TET3: variants seen among roughly 807,000 people sequenced by gnomAD.
TET3 encodes tet methylcytosine dioxygenase 3, also known as methylcytosine dioxygenase TET3.
TET3 carries 19 observed loss-of-function variants against 141.4 expected under a neutral mutation model. The observed-to-expected ratio is 0.13, with a 90% CI of 0.09 to 0.20. The LOEUF is 0.20. Among genes scored for constraint, TET3 ranks in the 10% least tolerant of loss-of-function variants. The probability of loss-of-function intolerance (pLI) is 1.00; values close to 1 mark genes in which losing one functional copy is unlikely to be tolerated. For missense variants in TET3, 1,874 were observed against 2,356.9 expected (o/e 0.80, Z 4.24); for synonymous variants, 1,043 against 980.9 (o/e 1.06, Z -1.18).
At chr2:74,116,199 A>G in the TET3 span, among the ~76,000 whole-genome samples, 4 of 152,202 alleles carry the variant, frequency 2.6e-5, no homozygotes, top group East Asian at 7.7e-4. Context: ...TAACAAAAAG[A>G]CAAAAAATAA....
At chr2:74,075,078 G>C (rs971165158) in intron 5 of TET3, among the ~76,000 whole-genome samples, 9 of 152,064 alleles carry the variant, frequency 5.9e-5, no homozygotes, top group Non-Finnish European at 1.2e-4. Flanking sequence ...CACCGTGTTA[G>C]CCAGGATGGT....
the TET3 span, among the ~76,000 whole-genome samples, chr2:74,114,853 C>CAAAAAAAAAAAAAAAAAAAA: frequency 2.6e-3 from 116 of 43,862 alleles, 10 homozygotes; most frequent in African/African-American, 8.0e-3. Context: ...GACTCTGTCT[C>CAAAAAAAAAAAAAAAAAAAA]AAAAAAAAAA....
At chr2:74,099,754 A>T in intron 11 of TET3, 142 bp downstream of exon 11, 8 of 890,038 alleles carry the variant, frequency 9.0e-6, no homozygotes, top group Non-Finnish European at 1.4e-5. Flanking sequence ...TGCAGCAGCC[A>T]CAGCCAGCCT....
chr2:74,085,959 T>C (rs1386688607), intron 6 of TET3, among the ~76,000 whole-genome samples: 1 of 152,244 alleles, frequency 6.6e-6, no homozygotes, highest in African/African-American at 2.4e-5. Flanking sequence ...CCCCTTGCCA[T>C]AGTTAGGACT....
At chr2:74,083,420 G>A (rs953680063) in intron 6 of TET3, among the ~76,000 whole-genome samples, 2 of 152,204 alleles carry the variant, frequency 1.3e-5, no homozygotes, top group Non-Finnish European at 2.9e-5. Context: ...AGCCGCAGGT[G>A]TTAGAACCAA....
chr2:74,079,153 C>T (rs1395878298), intron 5 of TET3, among the ~76,000 whole-genome samples: 1 of 152,158 alleles, frequency 6.6e-6, no homozygotes, highest in East Asian at 1.9e-4. Context: ...TCAAGACGAG[C>T]CTGGCCAACA....
rs886108361 is a variant in TET3 at position 74,103,793 on chromosome 2, G to A, written c.*1617G>A. ...TCATGCTAGCCATGTGGATGTGTGTGTGGTGAATGGGGGGCTTCATCAGGA... is the reference window on the plus strand; with the variant it reads ...TCATGCTAGCCATGTGGATGTGTGTATGGTGAATGGGGGGCTTCATCAGGA... On this transcript the variant is annotated 3_prime_UTR_variant, in exon 12 of 12. Transcript: ENST00000409262. 1 of 153,910 alleles carries A rather than the reference G, an allele frequency of 6.5e-6. No individual in the cohort carries two copies. The highest frequency in any genetic ancestry group is 1.9e-4 in the East Asian group (1 of 5,186). The allele number at this position is 153,910 out of a possible 1,614,324, so 9.5% of individuals were successfully genotyped here.
chr2:73,990,476 G>C (rs888812692), intron 2 of TET3, among the ~76,000 whole-genome samples: 2 of 152,202 alleles, frequency 1.3e-5, no homozygotes, highest in African/African-American at 2.4e-5. Flanking sequence ...TGTGCTGGGG[G>C]AGGAGGCTAG....
intron 2 of TET3, among the ~76,000 whole-genome samples, chr2:73,995,301 C>G (rs1684538106): frequency 6.6e-6 from 1 of 152,218 alleles, no homozygotes; most frequent in South Asian, 2.1e-4. Flanking sequence ...AGAGAGGCAT[C>G]TATCTTAGAC....
chr2:74,065,839 A>C (rs1340083349), intron 4 of TET3, among the ~76,000 whole-genome samples: 1 of 150,540 alleles, frequency 6.6e-6, no homozygotes, highest in African/African-American at 2.4e-5. Flanking sequence ...GCTCACTGCA[A>C]CCTCCGCCTC....
At chr2:73,992,301 T>TTTTTTTTC (rs1558691764) in intron 2 of TET3, among the ~76,000 whole-genome samples, 2 of 145,424 alleles carry the variant, frequency 1.4e-5, no homozygotes, top group African/African-American at 5.4e-5. Context: ...TCTTTTTTTC[T>TTTTTTTTC]TTTCTTTTTT....
the TET3 span, among the ~76,000 whole-genome samples, chr2:74,123,490 A>T: frequency 6.6e-6 from 1 of 152,178 alleles, no homozygotes; most frequent in African/African-American, 2.4e-5. Context: ...CTGTGGGCGG[A>T]ACCGACCAAG....
chr2:74,005,640 C>T (rs561625331), intron 3 of TET3, among the ~76,000 whole-genome samples: 1 of 152,178 alleles, frequency 6.6e-6, no homozygotes, highest in East Asian at 1.9e-4. Context: ...GGGGGTGTCA[C>T]GAGATGGGTG....
intron 2 of TET3, chr2:74,002,566 C>T: frequency 6.5e-6 from 2 of 306,704 alleles, no homozygotes; most frequent in Non-Finnish European, 1.2e-5. Flanking sequence ...GGCTCAGCAG[C>T]ACCCTCGGCT....
chr2:74,056,395 A>G (rs1187162326), intron 4 of TET3, among the ~76,000 whole-genome samples: 1 of 152,166 alleles, frequency 6.6e-6, no homozygotes, highest in Non-Finnish European at 1.5e-5. Flanking sequence ...AACAGAACAT[A>G]TTTTTCTATT....
chr2:74,113,897 T>A, the TET3 span, among the ~76,000 whole-genome samples: 1 of 152,026 alleles, frequency 6.6e-6, no homozygotes, highest in South Asian at 2.1e-4. Context: ...GCTACATATT[T>A]AATGCAATCC....
chr2:74,042,454 C>T lies in TET3; in HGVS notation c.361-3824C>T, dbSNP rs111433131. On this transcript the variant is annotated intron_variant, in intron 3 of 11. Transcript: ENST00000409262. Reference sequence around the variant, plus strand: ...AGTTGCCCATAGAAGTGTGGATCTTCAAGAAAATCCAGGTTTCATGTGGAA... The same window carrying T: ...AGTTGCCCATAGAAGTGTGGATCTTTAAGAAAATCCAGGTTTCATGTGGAA... Among the ~76,000 whole-genome samples the T allele has an allele frequency of 4.9e-3, 752 of 151,954 alleles. 6 individuals are homozygous for T. The highest frequency in any genetic ancestry group is 0.017 in the African/African-American group (716 of 41,404).
chr2:74,056,203 C>G (rs1688205517), intron 4 of TET3, among the ~76,000 whole-genome samples: 1 of 152,110 alleles, frequency 6.6e-6, no homozygotes. Flanking sequence ...CATTGGTTCC[C>G]CACTGGAAAA....
At position 74,047,723 on chromosome 2, in the gene TET3, T is replaced by C. The variant is rs778040348; in HGVS notation, c.1806T>C (p.Ser602=). The C allele has an allele frequency of 1.5e-5, 24 of 1,613,484 alleles. No homozygotes were observed. The highest frequency in any genetic ancestry group is 1.9e-5 in the Non-Finnish European group (23 of 1,179,742). ...TEKAAPGIKP[S]VRKPIQIKKS... is the part of the protein sequence containing the mutation. Reference sequence around the variant, plus strand: ...AAGCTGCCCCTGGGATCAAGCCCAGTGTCCGAAAGCCCATTCAGATCAAGA... The same window carrying C: ...AAGCTGCCCCTGGGATCAAGCCCAGCGTCCGAAAGCCCATTCAGATCAAGA... The change falls in exon 4 of 12, where the codon AGT becomes AGC. Residue 602 remains serine, a synonymous_variant. Coordinates refer to ENST00000409262, the MANE Select transcript of TET3 (RefSeq NM_001287491.2).
Sources: allele counts gnomAD v4.1 joint callset (sites outside exome capture counted in the v4.1 genomes callset), GRCh38; gene constraint gnomAD v4.1.1; transcripts MANE v1.5; gene names NCBI Gene and HGNC (gene_info 2026-07-23, HGNC 2026-07-21).